The following LRCH2 variants were observed in gnomAD, a reference collection of about 807,000 sequenced individuals.
LRCH2 encodes leucine rich repeats and calponin homology domain containing 2.
LRCH2 carries 38 observed loss-of-function variants against 68.9 expected under a neutral mutation model. The observed-to-expected ratio is 0.55, with a 90% CI of 0.43 to 0.72. The LOEUF is 0.72. Ranked by LOEUF, LRCH2 falls within the 30% of genes least tolerant of loss-of-function variation. The probability of loss-of-function intolerance (pLI) is 0.00; values close to 1 mark genes in which losing one functional copy is unlikely to be tolerated. For synonymous variants in LRCH2, 191 were observed against 208.1 expected, an observed-to-expected ratio of 0.92 and a Z score of 0.71; for missense variants, 528 against 572.9, an observed-to-expected ratio of 0.92 and a Z score of 0.80.
intron 12 of LRCH2, among the ~76,000 whole-genome samples, chrX:115,151,956 T>A (rs782172748): frequency 9.1e-5 from 10 of 110,343 alleles, no homozygotes; most frequent in Non-Finnish European, 1.5e-4. Context: ...AAAAGGGCAA[T>A]GCACAGAGAA....
chrX:115,167,191 TAAAAAAAAAAA>T lies in LRCH2; in HGVS notation c.999-860_999-850del, dbSNP rs58298502. On this transcript the variant is annotated intron_variant, in intron 6 of 20. Transcript: ENST00000317135. ...TCCGCTCCTAAAACCAGTTTCATGC[TAAAAAAAAAAA>T]AAAAAAAAAAAAAAAAACAATAACA... 2.1e-3 allele frequency among the ~76,000 whole-genome samples: 18 copies of T among 8,400 alleles called. 1 individual carries two copies. The highest frequency in any genetic ancestry group is 0.14 in the Middle Eastern group (1 of 7). 7.3% of individuals were successfully genotyped at this position (8,400 alleles called of 115,157 possible).
intron 1 of LRCH2, chrX:115,190,359 C>T (rs1556557072): frequency 9.5e-6 from 11 of 1,161,875 alleles, no homozygotes; most frequent in Non-Finnish European, 1.3e-5. Flanking sequence ...CCCTCAAGAG[C>T]TACGGAGGCC....
rs781925049 is a variant in LRCH2 at position 115,163,844 on chromosome X, T to G, written c.1356-61A>C. 2.1e-4 allele frequency: 179 copies of G among 841,924 alleles called. 1 individual carries two copies. The highest frequency in any genetic ancestry group is 2.9e-4 in the Non-Finnish European group (173 of 595,176). 69.4% of individuals were successfully genotyped at this position (841,924 alleles called of 1,213,427 possible). ...AAGGCAGACTACATTTTATGCCAGCTTCCAGAAATAGAAACCATTTTTGTT... is the reference window on the plus strand; with the variant it reads ...AAGGCAGACTACATTTTATGCCAGCGTCCAGAAATAGAAACCATTTTTGTT... On this transcript the variant is annotated intron_variant, in intron 10 of 20. Transcript: ENST00000317135.
rs782274437 is a variant in LRCH2 at position 115,189,739 on chromosome X, G to A, written c.350-1369C>T. On this transcript the variant is annotated intron_variant, in intron 1 of 20. Transcript: ENST00000317135. ...CAGCCGATGGGTCCCGCCAACCCCCGGCAGCGGCAGTCGCTCAAGGTTCTC... is the reference window on the plus strand; with the variant it reads ...CAGCCGATGGGTCCCGCCAACCCCCAGCAGCGGCAGTCGCTCAAGGTTCTC... 63 of 1,165,615 alleles carry A rather than the reference G, an allele frequency of 5.4e-5. No individual in the cohort carries two copies. The highest frequency in any genetic ancestry group is 6.4e-5 in the Non-Finnish European group (56 of 872,118).
chrX:115,204,123 A>G (rs1257344416), intron 1 of LRCH2, among the ~76,000 whole-genome samples: 1 of 112,899 alleles, frequency 8.9e-6, no homozygotes, highest in Non-Finnish European at 1.9e-5. Context: ...TGAGGCTTGC[A>G]CCCTCTGAGG....
chrX:115,167,617 A>T (rs1460111215), intron 6 of LRCH2, among the ~76,000 whole-genome samples: 1 of 111,048 alleles, frequency 9.0e-6, no homozygotes, highest in Non-Finnish European at 1.9e-5. Flanking sequence ...CATAATTCTT[A>T]CAGTCTTGAA....
rs182596068 is a variant in LRCH2, at chrX:115,173,066, T to C, written c.865-2634A>G. Reference sequence around the variant, plus strand: ...AACATCTGCCAGTTTCCACAACTGCTGCTAGAAAGCCATGCTGATTAGCAC... The same window carrying C: ...AACATCTGCCAGTTTCCACAACTGCCGCTAGAAAGCCATGCTGATTAGCAC... On this transcript the variant is annotated intron_variant, in intron 5 of 20. Transcript: ENST00000317135. Among the ~76,000 whole-genome samples, 33 of 111,906 alleles carry C rather than the reference T, an allele frequency of 2.9e-4. No individual in the cohort carries two copies. The East Asian group carries it at 9.0e-3, about 31-fold the overall frequency.
At chrX:115,149,110 T>C (rs782813321) in intron 14 of LRCH2, among the ~76,000 whole-genome samples, 3 of 111,589 alleles carry the variant, frequency 2.7e-5, no homozygotes, top group Admixed American at 9.6e-5. Flanking sequence ...GACAACAAAA[T>C]TTGCTATTCA....
chrX:115,142,601 G>A lies in LRCH2; in HGVS notation c.1695+7226C>T, dbSNP rs188279465. 5.4e-3 allele frequency among the ~76,000 whole-genome samples: 598 copies of A among 111,570 alleles called. 3 individuals carry two copies. Among genetic ancestry groups the A allele is most frequent in the African/African-American group, 0.019 (571 of 30,705 alleles). On this transcript the variant is annotated intron_variant, in intron 14 of 20. Coordinates refer to ENST00000317135, the MANE Select transcript of LRCH2 (RefSeq NM_020871.4). Reference sequence around the variant, plus strand: ...AGTGGGTCAATGAAGAAATTAAGAAGGAAATCGAAAAATTTCTTGAAACAA... The same window carrying A: ...AGTGGGTCAATGAAGAAATTAAGAAAGAAATCGAAAAATTTCTTGAAACAA...
intron 14 of LRCH2, among the ~76,000 whole-genome samples, chrX:115,147,372 A>C (rs190277999): frequency 1.3e-4 from 15 of 111,574 alleles, no homozygotes; most frequent in African/African-American, 4.9e-4. Context: ...ATCTTAGGAA[A>C]AAAAACTAGT....
intron 1 of LRCH2, among the ~76,000 whole-genome samples, chrX:115,198,165 T>C (rs1330138510): frequency 9.2e-6 from 1 of 108,587 alleles, no homozygotes; most frequent in East Asian, 2.9e-4. Context: ...CTGCATAAAA[T>C]GACCAAACTT....
At chrX:115,226,272 A>G (rs1397799664) in intron 1 of LRCH2, among the ~76,000 whole-genome samples, 1 of 112,107 alleles carries the variant, frequency 8.9e-6, no homozygotes, top group African/African-American at 3.2e-5. Flanking sequence ...TAGCAATTTA[A>G]TTTTAACTAA....
At chrX:115,203,211 C>A (rs782421782) in intron 1 of LRCH2, among the ~76,000 whole-genome samples, 2 of 111,566 alleles carry the variant, frequency 1.8e-5, no homozygotes, top group South Asian at 7.5e-4. Context: ...AACTCACTCA[C>A]TATCATGAGA....
chrX:115,165,498 A>G (rs1556544247), intron 9 of LRCH2, 35 bp from the exon 10 acceptor site: 2 of 1,076,680 alleles, frequency 1.9e-6, no homozygotes, highest in Non-Finnish European at 2.5e-6. Context: ...TAAATTGTAT[A>G]GTCCACTTTT....
chrX:115,115,963 T>C (rs1331359846), intron 20 of LRCH2, among the ~76,000 whole-genome samples: 2 of 110,859 alleles, frequency 1.8e-5, no homozygotes, highest in African/African-American at 6.5e-5. Context: ...CATCATTAAC[T>C]ACTAGGGAAA....
chrX:115,189,463 GAGA>G, intron 1 of LRCH2: 2 of 1,176,270 alleles, frequency 1.7e-6, no homozygotes, highest in Non-Finnish European at 2.3e-6. Context: ...GGATCGCCCA[GAGA>G]AGCTTTTCAT....
intron 1 of LRCH2, chrX:115,191,960 G>A: frequency 5.1e-6 from 6 of 1,165,955 alleles, no homozygotes; most frequent in African/African-American, 1.8e-5. Context: ...GCCTACAGTG[G>A]GGGCCGTGAC....
At chrX:115,126,707 G>A (rs2147349546) in intron 16 of LRCH2, 136 bp downstream of exon 16, 3 of 450,716 alleles carry the variant, frequency 6.7e-6, no homozygotes, top group Middle Eastern at 4.4e-4. Context: ...AATCTGCCAC[G>A]GATTTTAAAA....
intron 1 of LRCH2, among the ~76,000 whole-genome samples, chrX:115,207,272 C>T (rs1003936052): frequency 9.0e-6 from 1 of 111,490 alleles, no homozygotes; most frequent in Admixed American, 9.5e-5. Flanking sequence ...CAGTCGGTGG[C>T]TCATGCCTGT....
Sources: allele counts gnomAD v4.1 joint callset (sites outside exome capture counted in the v4.1 genomes callset), GRCh38; gene constraint gnomAD v4.1.1; transcripts MANE v1.5; gene names NCBI Gene and HGNC (gene_info 2026-07-23, HGNC 2026-07-21).